PIGU: variants seen among roughly 807,000 people sequenced by gnomAD.
PIGU encodes the protein phosphatidylinositol glycan anchor biosynthesis class U.
PIGU carries 24 observed loss-of-function variants against 49.9 expected under a neutral mutation model. The ratio of observed to expected loss-of-function variants is 0.48; its 90% CI spans 0.35 to 0.68. The LOEUF (loss-of-function observed/expected upper bound fraction) is 0.68, where lower values mean the gene tolerates loss of function less well. PIGU is among the 30% of genes least tolerant of loss of function. The pLI, the probability that PIGU is intolerant of heterozygous loss-of-function variation, is 0.01. For synonymous variants in PIGU, 220 were observed against 205.7 expected, an observed-to-expected ratio of 1.07 and a Z score of -0.59; for missense variants, 490 against 532.6, an observed-to-expected ratio of 0.92 and a Z score of 0.79.
intron 10 of PIGU, 105 bp downstream of exon 10, chr20:34,581,443 C>A: frequency 1.4e-6 from 2 of 1,442,670 alleles, no homozygotes; most frequent in Admixed American, 2.1e-5. Context: ...CTAGTGCTGC[C>A]AGCATAACAG....
chr20:34,637,989 G>GAAAA lies in PIGU; in HGVS notation c.319-8_319-5dup. 1 of 1,341,290 alleles carries GAAAA rather than the reference G, an allele frequency of 7.5e-7. No individual in the cohort carries two copies. The highest frequency in any genetic ancestry group is 9.8e-7 in the Non-Finnish European group (1 of 1,020,414). 83.1% of individuals were successfully genotyped at this position (1,341,290 alleles called of 1,614,324 possible). Reference sequence around the variant, plus strand: ...GGAGGAGTTTCTGCTTTTTAAACTAGAAAAAAAAAAAAAAGGAAAAGATAA... The same window carrying GAAAA: ...GGAGGAGTTTCTGCTTTTTAAACTAGAAAAAAAAAAAAAAAAAAGGAAAAGATAA... On this transcript the variant is annotated splice_region_variant and splice_polypyrimidine_tract_variant and intron_variant, in intron 4 of 11. Coordinates refer to ENST00000217446, the MANE Select transcript of PIGU (RefSeq NM_080476.5).
chr20:34,566,336 G>A (rs1982767196), intron 11 of PIGU, among the ~76,000 whole-genome samples: 1 of 152,246 alleles, frequency 6.6e-6, no homozygotes, highest in African/African-American at 2.4e-5. Flanking sequence ...CTCTCTCTGA[G>A]TTGTTTGCTG....
intron 1 of PIGU, among the ~76,000 whole-genome samples, chr20:34,668,485 G>GAAAAAAA (rs1383786806): frequency 4.8e-4 from 47 of 98,786 alleles, no homozygotes; most frequent in African/African-American, 1.9e-3. Flanking sequence ...AAAAAAAAAG[G>GAAAAAAA]GGGGGGCGGG....
intron 9 of PIGU, among the ~76,000 whole-genome samples, chr20:34,584,970 G>A (rs992897891): frequency 3.9e-5 from 6 of 152,190 alleles, no homozygotes; most frequent in African/African-American, 1.4e-4. Context: ...TTATATGCGT[G>A]AGCCACTGCA....
At chr20:34,586,931 T>A (rs143978657) in intron 8 of PIGU, among the ~76,000 whole-genome samples, 3 of 152,252 alleles carry the variant, frequency 2.0e-5, no homozygotes, top group African/African-American at 2.4e-5. Flanking sequence ...AGGTTGCAAA[T>A]TTTTTTGTGT....
At chr20:34,670,038 G>C (rs930828775) in intron 1 of PIGU, among the ~76,000 whole-genome samples, 4 of 152,168 alleles carry the variant, frequency 2.6e-5, no homozygotes, top group Non-Finnish European at 5.9e-5. Flanking sequence ...AAAAGAGTGA[G>C]GGGATTGTGA....
At chr20:34,592,133 G>A (rs1358022732) in intron 7 of PIGU, among the ~76,000 whole-genome samples, 2 of 150,464 alleles carry the variant, frequency 1.3e-5, no homozygotes, top group Non-Finnish European at 2.9e-5. Flanking sequence ...AGCTTGCAGT[G>A]AGCCGAGATC....
chr20:34,567,825 CT>C, intron 11 of PIGU, among the ~76,000 whole-genome samples: 1 of 152,010 alleles, frequency 6.6e-6, no homozygotes, highest in African/African-American at 2.4e-5. Flanking sequence ...CTCTCTCTCT[CT>C]CTCCCTCCTT....
In PIGU at chr20:34,581,553, T is replaced by C. The variant is rs779755391; in HGVS notation, c.1046A>G (p.Tyr349Cys). ...MAFFPVWNHL[Y>C]RFLRNIFVLT... ...GCAGAGGCGGGAGTACTCACATCTGTAGAGATGGTTCCACACGGGGAAGAA... is the reference window on the plus strand; with the variant it reads ...GCAGAGGCGGGAGTACTCACATCTGCAGAGATGGTTCCACACGGGGAAGAA... The change falls in exon 10 of 12, where the codon TAC becomes TGC. Residue 349 changes from tyrosine (Y) to cysteine (C), a missense_variant. By Grantham distance (194) the Tyr-to-Cys change is radical. Coordinates refer to ENST00000217446, the MANE Select transcript of PIGU (RefSeq NM_080476.5). The C allele has an allele frequency of 1.9e-6, 3 of 1,612,312 alleles. No homozygotes were observed. The highest frequency in any genetic ancestry group is 3.3e-5 in the Admixed American group (2 of 59,832).
chr20:34,676,042 AG>A (rs1285860594), intron 1 of PIGU, among the ~76,000 whole-genome samples: 1 of 145,080 alleles, frequency 6.9e-6, no homozygotes, highest in Non-Finnish European at 1.5e-5. Context: ...AAAAAAAAAA[AG>A]TTGTTTGTTT....
intron 1 of PIGU, among the ~76,000 whole-genome samples, chr20:34,666,853 C>A (rs1600673609): frequency 6.6e-6 from 1 of 151,884 alleles, no homozygotes; most frequent in Admixed American, 6.6e-5. Context: ...CCTGCCACCA[C>A]GCCAGGCTAA....
At chr20:34,636,986 T>A (rs1985989355) in intron 5 of PIGU, among the ~76,000 whole-genome samples, 1 of 152,184 alleles carries the variant, frequency 6.6e-6, no homozygotes, top group African/African-American at 2.4e-5. Flanking sequence ...TCTGGTTCTA[T>A]TAAGGTAGAT....
chr20:34,574,815 G>T (rs1983155313), intron 11 of PIGU, among the ~76,000 whole-genome samples: 1 of 152,150 alleles, frequency 6.6e-6, no homozygotes, highest in African/African-American at 2.4e-5. Flanking sequence ...ACCTCTGCAA[G>T]CCTCTGTCCC....
At chr20:34,602,020 A>C (rs866700029) in intron 7 of PIGU, among the ~76,000 whole-genome samples, 5 of 152,232 alleles carry the variant, frequency 3.3e-5, no homozygotes, top group Admixed American at 6.5e-5. Context: ...GGTGGCTCAC[A>C]CCTGTAATCC....
intron 7 of PIGU, 104 bp from the exon 8 acceptor site, chr20:34,588,711 C>T (rs960947367): frequency 8.8e-7 from 1 of 1,133,516 alleles, no homozygotes; most frequent in African/African-American, 1.6e-5. Context: ...CTATGATACA[C>T]AGGTTTATAA....
intron 1 of PIGU, among the ~76,000 whole-genome samples, chr20:34,659,338 C>T (rs1465512688): frequency 2.9e-5 from 4 of 136,312 alleles, no homozygotes; most frequent in African/African-American, 8.6e-5. Flanking sequence ...CCGCCCCGTC[C>T]GGGAGGTGAG....
chr20:34,576,572 T>C (rs1435517835), intron 10 of PIGU, among the ~76,000 whole-genome samples: 2 of 152,264 alleles, frequency 1.3e-5, no homozygotes, highest in Admixed American at 1.3e-4. Context: ...CCTTCTCACA[T>C]TGCATCACTC....
intron 11 of PIGU, among the ~76,000 whole-genome samples, chr20:34,563,253 A>C (rs1490318159): frequency 6.6e-6 from 1 of 152,196 alleles, no homozygotes; most frequent in Non-Finnish European, 1.5e-5. Context: ...TGCAAACTAC[A>C]TACATGTATT....
At chr20:34,568,661 C>T (rs900059128) in intron 11 of PIGU, among the ~76,000 whole-genome samples, 6 of 152,172 alleles carry the variant, frequency 3.9e-5, no homozygotes, top group Admixed American at 6.5e-5. Flanking sequence ...GAGGCAACTC[C>T]GGGAGACAGG....
Sources: gnomAD v4.1 joint callset for allele counts (sites outside exome capture counted in the v4.1 genomes callset) on GRCh38, gnomAD v4.1.1 for gene constraint, MANE v1.5 for transcripts, NCBI Gene and HGNC (gene_info 2026-07-23, HGNC 2026-07-21) for gene names.